RBFOX1: variants seen among roughly 807,000 people sequenced by gnomAD.
RBFOX1 encodes the protein RNA binding protein fox-1 homolog 1.
RBFOX1 carries 8 observed loss-of-function variants against 57.7 expected under a neutral mutation model. That is an observed-to-expected ratio of 0.14 (90% CI 0.08 to 0.25). The LOEUF (loss-of-function observed/expected upper bound fraction) is 0.25, where lower values mean the gene tolerates loss of function less well. RBFOX1 is among the 10% of genes least tolerant of loss of function. The pLI is 1.00. For missense variants in RBFOX1, 611 were observed against 548.5 expected (o/e 1.11, Z -1.14); for synonymous variants, 326 against 222.4 (o/e 1.47, Z -4.15).
At chr16:6,461,457 A>T (rs983642032) in intron 2 of RBFOX1, among the ~76,000 whole-genome samples, 1 of 152,212 alleles carries the variant, frequency 6.6e-6, no homozygotes. Context: ...TATGTAATTT[A>T]TTTAACTATA....
At chr16:6,905,191 T>G (rs2069529974) in intron 3 of RBFOX1, among the ~76,000 whole-genome samples, 1 of 152,086 alleles carries the variant, frequency 6.6e-6, no homozygotes, top group African/African-American at 2.4e-5. Flanking sequence ...ATTTTTTTTC[T>G]CAATAACACT....
chr16:5,657,313 T>C (rs1037503227), intron 3 of RBFOX1, among the ~76,000 whole-genome samples: 80 of 152,324 alleles, frequency 5.3e-4, no homozygotes, highest in African/African-American at 1.8e-3. Flanking sequence ...AAACAATTTA[T>C]TGTATCACAA....
At chr16:6,021,551 T>C (rs1165118858) in intron 1 of RBFOX1, among the ~76,000 whole-genome samples, 1 of 152,220 alleles carries the variant, frequency 6.6e-6, no homozygotes, top group African/African-American at 2.4e-5. Flanking sequence ...AAAACCTGTG[T>C]CCTCTTTGAG....
rs558628296 is a variant in RBFOX1 at position 7,010,444 on chromosome 16, C to T, written c.-15-41613C>T. ...GCCAGTGAGACCTCTTAGAGTTGAC[C>T]GAGTCCGTGAGCATCCGAGGGGCTA... On this transcript the variant is annotated intron_variant, in intron 3 of 15. Transcript: ENST00000550418. Among the ~76,000 whole-genome samples the T allele has an allele frequency of 4.6e-5, 7 of 152,132 alleles. 1 individual carries two copies. The South Asian group carries it at 6.2e-4, about 14-fold the overall frequency.
intron 4 of RBFOX1, among the ~76,000 whole-genome samples, chr16:7,179,050 G>A (rs972347071): frequency 2.0e-5 from 3 of 151,968 alleles, no homozygotes; most frequent in Non-Finnish European, 4.4e-5. Context: ...TTATTTTTAT[G>A]GCTATTTCTT....
At chr16:5,823,955 C>T (rs2055946248) in intron 3 of RBFOX1, among the ~76,000 whole-genome samples, 1 of 152,170 alleles carries the variant, frequency 6.6e-6, no homozygotes, top group Non-Finnish European at 1.5e-5. Context: ...AAATTGTCTT[C>T]CATGAAACCA....
intron 3 of RBFOX1, among the ~76,000 whole-genome samples, chr16:6,713,903 C>T (rs546703499): frequency 3.3e-5 from 5 of 152,168 alleles, no homozygotes; most frequent in Non-Finnish European, 1.5e-5. Flanking sequence ...AGGAAGATAT[C>T]ATCCTTTTCT....
At chr16:5,273,776 A>T (rs928228881) in intron 1 of RBFOX1, among the ~76,000 whole-genome samples, 1 of 152,150 alleles carries the variant, frequency 6.6e-6, no homozygotes, top group Non-Finnish European at 1.5e-5. Context: ...AAAAAGGCTG[A>T]TGGATCATGA....
intron 1 of RBFOX1, among the ~76,000 whole-genome samples, chr16:6,205,534 A>G (rs2097249543): frequency 6.6e-6 from 1 of 152,238 alleles, no homozygotes. Context: ...CTGTTGTCAG[A>G]TGTTTCTGCA....
At chr16:7,169,170 A>G (rs556124052) in intron 4 of RBFOX1, among the ~76,000 whole-genome samples, 4 of 152,206 alleles carry the variant, frequency 2.6e-5, no homozygotes, top group East Asian at 1.9e-4. Context: ...AATTTTGACA[A>G]TATTCATGGC....
intron 4 of RBFOX1, among the ~76,000 whole-genome samples, chr16:7,512,321 A>C (rs536541157): frequency 6.6e-6 from 1 of 152,320 alleles, no homozygotes; most frequent in Non-Finnish European, 1.5e-5. Context: ...TTTTCCAGAA[A>C]ATACATTTCA....
At chr16:6,154,698 G>A (rs561194596) in intron 1 of RBFOX1, among the ~76,000 whole-genome samples, 10 of 152,230 alleles carry the variant, frequency 6.6e-5, no homozygotes, top group East Asian at 1.9e-4. Context: ...AATGGGATGC[G>A]GGTTTGAGCA....
At chr16:6,199,344 G>A (rs995236301) in intron 1 of RBFOX1, among the ~76,000 whole-genome samples, 4 of 152,136 alleles carry the variant, frequency 2.6e-5, no homozygotes, top group Admixed American at 2.0e-4. Flanking sequence ...TGCCATTGTG[G>A]TCTACATCAC....
intron 4 of RBFOX1, among the ~76,000 whole-genome samples, chr16:7,241,744 C>A (rs866710761): frequency 6.6e-6 from 1 of 151,982 alleles, no homozygotes; most frequent in Admixed American, 6.6e-5. Context: ...CAAACACACA[C>A]ACATGCCCAT....
chr16:6,039,359 A>AG (rs1201892489), intron 1 of RBFOX1, among the ~76,000 whole-genome samples: 3 of 151,804 alleles, frequency 2.0e-5, no homozygotes, highest in African/African-American at 7.3e-5. Flanking sequence ...AAAAAAAAAA[A>AG]AAAAAACAGA....
At chr16:7,656,754 G>T (rs1205847990) in intron 12 of RBFOX1, among the ~76,000 whole-genome samples, 1 of 152,042 alleles carries the variant, frequency 6.6e-6, no homozygotes, top group African/African-American at 2.4e-5. Context: ...TTCTGGTTGG[G>T]GCAGGGGGTG....
intron 1 of RBFOX1, among the ~76,000 whole-genome samples, chr16:5,458,586 A>T (rs11646002): frequency 0.024 from 3,686 of 152,350 alleles, 53 homozygotes; most frequent in Non-Finnish European, 0.038. Context: ...AAGGCCTCAC[A>T]GCCTAGACTG....
At chr16:5,954,709 C>T (rs990652373) in intron 4 of RBFOX1, among the ~76,000 whole-genome samples, 1 of 152,058 alleles carries the variant, frequency 6.6e-6, no homozygotes, top group Non-Finnish European at 1.5e-5. Flanking sequence ...TCGTGTGCGC[C>T]GTGAGCTATT....
At chr16:6,892,977 C>G (rs543565544) in intron 3 of RBFOX1, among the ~76,000 whole-genome samples, 1 of 152,226 alleles carries the variant, frequency 6.6e-6, no homozygotes, top group East Asian at 1.9e-4. Context: ...TCTAGTTTTA[C>G]TTTTAATTGC....
Sources: gnomAD v4.1 joint callset for allele counts (sites outside exome capture counted in the v4.1 genomes callset) on GRCh38, gnomAD v4.1.1 for gene constraint, MANE v1.5 for transcripts, NCBI Gene and HGNC (gene_info 2026-07-23, HGNC 2026-07-21) for gene names.